B4GALNT4: variants seen among roughly 807,000 people sequenced by gnomAD.
B4GALNT4 encodes the protein N-acetyl-beta-glucosaminyl-glycoprotein 4-beta-N-acetylgalactosaminyltransferase 1.
In B4GALNT4, 77 loss-of-function variants were observed where a neutral mutation model predicts 110.0. That is an observed-to-expected ratio of 0.70 (90% CI 0.58 to 0.85). The LOEUF (loss-of-function observed/expected upper bound fraction) is 0.85. B4GALNT4 is among the 40% of genes least tolerant of loss of function. The pLI, the probability that B4GALNT4 is intolerant of heterozygous loss-of-function variation, is 0.00. For missense variants in B4GALNT4, 1,575 were observed against 1,506.0 expected, an observed-to-expected ratio of 1.05 and a Z score of -0.76; for synonymous variants, 785 against 655.5, an observed-to-expected ratio of 1.20 and a Z score of -3.02.
chr11:379,843 C>A (rs752312316), intron 15 of B4GALNT4, 23 bp from the exon 16 acceptor site: 77 of 1,573,944 alleles, frequency 4.9e-5, no homozygotes, highest in Non-Finnish European at 6.5e-5. Flanking sequence ...GGCTCAGCGC[C>A]CCCCCCGCCT....
In B4GALNT4 at chr11:379,610, C is replaced by T. The variant is rs768736423; in HGVS notation, c.2397C>T (p.Ala799=). ...ADGESPEPAP[A]ASVRPDGRPE... is the part of the protein sequence containing the mutation. ...GAGAAAGTCCCGAACCCGCTCCCGC[C>T]GCCTCCGTGCGCCCCGACGGCCGCC... The change falls in exon 15 of 20, where the codon GCC becomes GCT. Residue 799 remains alanine, a synonymous_variant. Transcript: ENST00000329962. The T allele has an allele frequency of 1.3e-6, 2 of 1,544,586 alleles. No homozygotes were observed. The highest frequency in any genetic ancestry group is 1.2e-5 in the South Asian group (1 of 83,754).
chr11:373,419 C>CCGGCCA lies in B4GALNT4; in HGVS notation c.637-30_637-29insCGGCCA, dbSNP rs10624593. 11 of 1,080,024 alleles carry CCGGCCA rather than the reference C, an allele frequency of 1.0e-5. No homozygotes were observed. The South Asian group carries it at 1.2e-4, about 12-fold the overall frequency. 66.9% of individuals were successfully genotyped at this position (1,080,024 alleles called of 1,614,324 possible). On this transcript the variant is annotated intron_variant, in intron 6 of 19. Transcript: ENST00000329962. Reference sequence around the variant, plus strand: ...CAGGGAGAGAGTGAACCCCCCCCCCCACCACCACCCCTGCTCTATCACCCC... The same window carrying CCGGCCA: ...CAGGGAGAGAGTGAACCCCCCCCCCCCGGCCAACCACCACCCCTGCTCTATCACCCC...
intron 16 of B4GALNT4, 40 bp downstream of exon 16, chr11:380,059 C>A: frequency 6.2e-7 from 1 of 1,601,840 alleles, no homozygotes; most frequent in Non-Finnish European, 8.5e-7. Context: ...CCCAGCGCAG[C>A]TTTCCTCCCC....
rs1846867019 is a variant in B4GALNT4, at chr11:381,105, C to G, written c.2996+154C>G. On this transcript the variant is annotated intron_variant, in intron 19 of 19. Coordinates refer to ENST00000329962, the MANE Select transcript of B4GALNT4 (RefSeq NM_178537.5). ...CCAGTATCCTGTAGGCCTGGAGAGA[C>G]TCCTCCACCCACATCACTTCTGAAA... is the stretch of plus-strand genomic sequence containing the variant. 1.9e-5 allele frequency: 19 copies of G among 985,096 alleles called. No individual in the cohort carries two copies. In the South Asian group the frequency reaches 8.9e-4, roughly 46 times the overall value. 61.0% of individuals were successfully genotyped at this position (985,096 alleles called of 1,614,324 possible). A position where few individuals can be genotyped will look rare whatever the true frequency, so the allele number is the denominator to read the frequency against.
chr11:376,189 G>C lies in B4GALNT4; in HGVS notation c.1196+15G>C, dbSNP rs371826227. The C allele has an allele frequency of 4.7e-5, 76 of 1,601,344 alleles. No homozygotes were observed. Among genetic ancestry groups the C allele is most frequent in the Admixed American group, 1.0e-4 (6 of 59,394 alleles). On this transcript the variant is annotated intron_variant, in intron 12 of 19. Transcript: ENST00000329962. The stretch of plus-strand genomic sequence containing the variant: ...TATCTGGAGAGGTGGGCGCGCGGCC[G>C]GGCTAATGCGGGGCGGGGTGGGCGG...
At chr11:370,374 C>T (rs1846595716) in intron 1 of B4GALNT4, among the ~76,000 whole-genome samples, 1 of 152,166 alleles carries the variant, frequency 6.6e-6, no homozygotes, top group African/African-American at 2.4e-5. Flanking sequence ...TTAGCAGGGC[C>T]TCAGTTTCCC....
rs1469905411 is a variant in B4GALNT4 at position 377,242 on chromosome 11, G to A, written c.2119G>A (p.Val707Ile). Residue 707 changes from valine to isoleucine, a missense_variant, in exon 14 of 20, where the codon GTT (valine) becomes ATT (isoleucine). Physicochemically the swap from Val to Ile is conservative, Grantham distance 29 (BLOSUM62 3). Transcript: ENST00000329962. Reference sequence around the variant, plus strand: ...GGACTGGAACGACCTGCGATGCAACGTTTCGGGGAACCTGCAGCTGCCGGA... The same window carrying A: ...GGACTGGAACGACCTGCGATGCAACATTTCGGGGAACCTGCAGCTGCCGGA... Reference protein sequence around the residue: ...RSDWNDLRCNVSGNLQLPEAE... With the variant: ...RSDWNDLRCNISGNLQLPEAE... 2.5e-6 allele frequency: 4 copies of A among 1,598,696 alleles called. No individual in the cohort carries two copies. The highest frequency in any genetic ancestry group is 4.5e-5 in the East Asian group (2 of 44,118).
intron 14 of B4GALNT4, among the ~76,000 whole-genome samples, chr11:378,226 C>G (rs761372613): frequency 6.6e-6 from 1 of 152,180 alleles, no homozygotes; most frequent in Admixed American, 6.5e-5. Context: ...TGGAAGGTTG[C>G]GAGCAGAGCA....
intron 6 of B4GALNT4, 31 bp from the exon 7 acceptor site, chr11:373,418 C>T: frequency 7.9e-7 from 1 of 1,269,788 alleles, no homozygotes; most frequent in Non-Finnish European, 1.1e-6. Flanking sequence ...ACCCCCCCCC[C>T]CACCACCACC....
intron 6 of B4GALNT4, 55 bp from the exon 7 acceptor site, chr11:373,394 C>T: frequency 6.6e-7 from 1 of 1,506,588 alleles, no homozygotes; most frequent in Non-Finnish European, 9.1e-7. Context: ...TTGGTGTCCC[C>T]AGGGAGAGAG....
Position 376,122 on chromosome 11 carries a change from A to G in B4GALNT4, c.1144A>G (p.Met382Val), listed in dbSNP as rs1210739465. 5 of 1,503,844 alleles carry G rather than the reference A, an allele frequency of 3.3e-6. No individual in the cohort carries two copies. Among genetic ancestry groups the G allele is most frequent in the Non-Finnish European group, 4.5e-6 (5 of 1,114,470 alleles). The allele number at this position is 1,503,844 out of a possible 1,614,324, so 93.2% of individuals were successfully genotyped here. Residue 382 changes from methionine (M) to valine (V), a missense_variant, in exon 12 of 20, where the codon ATG becomes GTG. Transcript: ENST00000329962. ...YPNDYTRLTH[M>V]ETDNKCFYRE... is the part of the protein sequence containing the mutation. ...CAACGACTACACTCGCCTCACCCAC[A>G]TGGAGACGGACAACAAGTGCTTCTA... is the stretch of plus-strand genomic sequence containing the variant.
In B4GALNT4 at chr11:376,067, C is replaced by A. The variant is rs368169108; in HGVS notation, c.1096-7C>A. On this transcript the variant is annotated splice_region_variant and splice_polypyrimidine_tract_variant and intron_variant, in intron 11 of 19. Coordinates refer to ENST00000329962, the MANE Select transcript of B4GALNT4 (RefSeq NM_178537.5). ...CGCCCTGAGCCCTGCGCCCCCCCACCCCCCAGGTGTACCTGTCCTTCGTTT... is the reference window on the plus strand; with the variant it reads ...CGCCCTGAGCCCTGCGCCCCCCCACACCCCAGGTGTACCTGTCCTTCGTTT... 24 of 1,608,288 alleles carry A rather than the reference C, an allele frequency of 1.5e-5. No homozygotes were observed. The highest frequency in any genetic ancestry group is 2.0e-5 in the Non-Finnish European group (24 of 1,176,360).
At position 369,683 on chromosome 11, in the gene B4GALNT4, C is replaced by T. The variant is rs2119626074; in HGVS notation, c.-121C>T. 4.7e-6 allele frequency: 2 copies of T among 426,346 alleles called. No individual in the cohort carries two copies. Among genetic ancestry groups the T allele is most frequent in the Non-Finnish European group, 6.2e-6 (2 of 323,130 alleles). The allele number at this position is 426,346 out of a possible 1,614,324, so 26.4% of individuals were successfully genotyped here. The stretch of plus-strand genomic sequence containing the variant: ...TGGCCGCGCACGGCGGACAAAGGAC[C>T]ATGCGGGGCCGCGGGCGCTGAGCGC... On this transcript the variant is annotated 5_prime_UTR_variant, in exon 1 of 20. Transcript: ENST00000329962.
In B4GALNT4 at chr11:372,196, G is replaced by A. The variant is rs142047066; in HGVS notation, c.239G>A (p.Arg80His). ...TQRAEDSSESREEEQAPEGRD... is the reference protein window; with the variant it reads ...TQRAEDSSESHEEEQAPEGRD... ...AGGGCTGAGGACTCCAGTGAGAGCC[G>A]TGAAGAGGAGCAAGCGGTGAGCAGA... Residue 80 changes from arginine (R) to histidine (H), a missense_variant, in exon 2 of 20, where the codon CGT becomes CAT. Physicochemically the swap from Arg to His is conservative, Grantham distance 29. Transcript: ENST00000329962. 1.1e-5 allele frequency: 17 copies of A among 1,550,082 alleles called. No homozygotes were observed. The highest frequency in any genetic ancestry group is 8.2e-5 in the African/African-American group (6 of 73,054).
rs752407037 is a variant in B4GALNT4 at position 376,483 on chromosome 11, C to T, written c.1360C>T (p.Pro454Ser). The T allele has an allele frequency of 6.3e-7, 1 of 1,585,940 alleles. No individual in the cohort carries two copies. Among genetic ancestry groups the T allele is most frequent in the South Asian group, 1.1e-5 (1 of 89,668 alleles). ...CAGCCTGGAGCCCACCGAGGCGGCC[C>T]CGCCCAGGAGCGGCCCCCAGTCCCC... ...LDSLEPTEAA[P>S]PRSGPQSPAP... The change falls in exon 14 of 20, where the codon CCG (proline) becomes TCG (serine). Residue 454 changes from proline to serine, a missense_variant. Coordinates refer to ENST00000329962, the MANE Select transcript of B4GALNT4 (RefSeq NM_178537.5).
Position 377,264 on chromosome 11 carries a change from C to A in B4GALNT4, c.2141C>A (p.Pro714Gln). 6 of 1,594,046 alleles carry A rather than the reference C, an allele frequency of 3.8e-6. No homozygotes were observed. The highest frequency in any genetic ancestry group is 4.3e-6 in the Non-Finnish European group (5 of 1,171,588). Residue 714 changes from proline to glutamine, a missense_variant, in exon 14 of 20, where the codon CCG becomes CAG. Transcript: ENST00000329962. The part of the protein sequence containing the change: ...RCNVSGNLQL[P>Q]EAEAVDVTAQ... ...AACGTTTCGGGGAACCTGCAGCTGCCGGAGGCGGAGGCCGTGGACGTGACC... is the reference window on the plus strand; with the variant it reads ...AACGTTTCGGGGAACCTGCAGCTGCAGGAGGCGGAGGCCGTGGACGTGACC...
chr11:381,267 C>T (rs12786943), intron 19 of B4GALNT4: 2 of 495,330 alleles, frequency 4.0e-6, no homozygotes, highest in East Asian at 3.0e-4. Flanking sequence ...GCCCTGACAC[C>T]CCCAGCCCCT....
Position 377,303 on chromosome 11 carries a change from A to G in B4GALNT4, c.2180A>G (p.Glu727Gly). The G allele has an allele frequency of 1.9e-6, 3 of 1,563,734 alleles. No individual in the cohort carries two copies. Among genetic ancestry groups the G allele is most frequent in the Non-Finnish European group, 2.6e-6 (3 of 1,157,904 alleles). ...EAVDVTAQYM[E>G]RLNARHGGRF... ...GTGGACGTGACCGCTCAGTACATGG[A>G]GCGGCTGAACGCGCGCCACGGCGGG... The change falls in exon 14 of 20, where the codon GAG (glutamate) becomes GGG (glycine). Residue 727 changes from glutamate (E) to glycine (G), a missense_variant. Transcript: ENST00000329962.
At chr11:374,268 G>A (rs890296899) in intron 8 of B4GALNT4, among the ~76,000 whole-genome samples, 3 of 152,040 alleles carry the variant, frequency 2.0e-5, no homozygotes, top group Non-Finnish European at 2.9e-5. Context: ...AAAACCCCTG[G>A]CCACAAAGCG....
Sources: gnomAD v4.1 joint callset for allele counts (sites outside exome capture counted in the v4.1 genomes callset) on GRCh38, gnomAD v4.1.1 for gene constraint, MANE v1.5 for transcripts, NCBI Gene and HGNC (gene_info 2026-07-23, HGNC 2026-07-21) for gene names.